The following NPAS1 variants were observed in gnomAD, a reference collection of about 807,000 sequenced individuals.
NPAS1 encodes neuronal PAS domain protein 1.
A neutral mutation model predicts 49.2 loss-of-function variants in NPAS1; 29 were observed. The observed-to-expected ratio is 0.59, with a 90% CI of 0.44 to 0.80. The LOEUF (loss-of-function observed/expected upper bound fraction) is 0.80. Among genes scored for constraint, NPAS1 ranks in the 30% least tolerant of loss-of-function variants. NPAS1 has a pLI of 0.00. For missense variants in NPAS1, 825 were observed against 835.5 expected, an observed-to-expected ratio of 0.99 and a Z score of 0.15; for synonymous variants, 408 against 380.4, an observed-to-expected ratio of 1.07 and a Z score of -0.84.
At chr19:47,024,304 T>C (rs1437230784) in intron 3 of NPAS1, among the ~76,000 whole-genome samples, 2 of 151,646 alleles carry the variant, frequency 1.3e-5, no homozygotes, top group Non-Finnish European at 2.9e-5. Context: ...ATAACAATAA[T>C]AGTAATCATA....
At chr19:47,036,248 G>T (rs542757815) in intron 6 of NPAS1, 119 bp downstream of exon 6, 2 of 1,086,436 alleles carry the variant, frequency 1.8e-6, no homozygotes, top group South Asian at 1.4e-5. Context: ...TGTGTAGAAC[G>T]AATCTTTGCA....
At position 47,027,432 on chromosome 19, in the gene NPAS1, G is replaced by GCCTGGTCTCCCTTCTCTCTGCC. The variant is rs1555770768; in HGVS notation, c.359-4834_359-4813dup. ...GCCCCCTGGGTCCCCCTCTCTCTGCGCCTGGTCTCCCTTCTCTCTGCCCCT... is the reference window on the plus strand; with the variant it reads ...GCCCCCTGGGTCCCCCTCTCTCTGCGCCTGGTCTCCCTTCTCTCTGCCCCTGGTCTCCCTTCTCTCTGCCCCT... On this transcript the variant is annotated intron_variant, in intron 3 of 11. Coordinates refer to ENST00000602212, the MANE Select transcript of NPAS1 (RefSeq NM_002517.4). 3.8e-3 allele frequency among the ~76,000 whole-genome samples: 370 copies of GCCTGGTCTCCCTTCTCTCTGCC among 98,482 alleles called. 63 individuals are homozygous for GCCTGGTCTCCCTTCTCTCTGCC. Among genetic ancestry groups the GCCTGGTCTCCCTTCTCTCTGCC allele is most frequent in the Middle Eastern group, 6.8e-3 (1 of 146 alleles). 64.6% of individuals were successfully genotyped at this position (98,482 alleles called of 152,430 possible). A position where few individuals can be genotyped will look rare whatever the true frequency, so the allele number is the denominator to read the frequency against.
chr19:47,027,354 CT>C (rs71332965), intron 3 of NPAS1, among the ~76,000 whole-genome samples: 700 of 49,794 alleles, frequency 0.014, no homozygotes, highest in Non-Finnish European at 0.032. Context: ...CAGGTCCCCC[CT>C]CTCTCTGCCC....
chr19:47,039,250 G>T (rs1599916607), intron 7 of NPAS1, 99 bp downstream of exon 7: 2 of 1,454,650 alleles, frequency 1.4e-6, no homozygotes, highest in East Asian at 2.3e-5. Context: ...GGCTGCAGGT[G>T]GCTTAGGGAA....
chr19:47,021,917 C>A lies in NPAS1; in HGVS notation c.358+70C>A. The A allele has an allele frequency of 9.7e-7, 1 of 1,029,440 alleles. No homozygotes were observed. 63.8% of individuals were successfully genotyped at this position (1,029,440 alleles called of 1,614,324 possible). On this transcript the variant is annotated intron_variant, in intron 3 of 11. Coordinates refer to ENST00000602212, the MANE Select transcript of NPAS1 (RefSeq NM_002517.4). This position sits in a 1 kb window ranked among gnomAD's most constrained non-coding sequence, Gnocchi z 5.7. Reference sequence around the variant, plus strand: ...GGAGTCACTGCAGCCCAGATCCGGGCTGCGGGCCTGCCCTCGCCCAGATGC... The same window carrying A: ...GGAGTCACTGCAGCCCAGATCCGGGATGCGGGCCTGCCCTCGCCCAGATGC...
At chr19:47,028,579 T>C (rs2056888170) in intron 3 of NPAS1, among the ~76,000 whole-genome samples, 2 of 152,076 alleles carry the variant, frequency 1.3e-5, no homozygotes, top group African/African-American at 4.8e-5. Context: ...GTCTGTTAAG[T>C]GGACTGAATG....
chr19:47,031,106 C>T (rs1035011704), intron 3 of NPAS1, among the ~76,000 whole-genome samples: 5 of 152,002 alleles, frequency 3.3e-5, no homozygotes, highest in African/African-American at 9.7e-5. Context: ...AACTCCATTA[C>T]TCTCCATTTT....
rs866704485 is a variant in NPAS1, at chr19:47,020,905, C to G, written c.-42-101C>G. 842 of 420,478 alleles carry G rather than the reference C, an allele frequency of 2.0e-3. 19 individuals carry two copies. Among genetic ancestry groups the G allele is most frequent in the Middle Eastern group, 0.011 (19 of 1,768 alleles). 26.0% of individuals were successfully genotyped at this position (420,478 alleles called of 1,614,324 possible). ...GAGGCATCATCCAGGCCCCCCCCCCCCCAGCTCCTTGCTGGGACCCTGAGC... is the reference window on the plus strand; with the variant it reads ...GAGGCATCATCCAGGCCCCCCCCCCGCCAGCTCCTTGCTGGGACCCTGAGC... On this transcript the variant is annotated intron_variant, in intron 1 of 11. Transcript: ENST00000602212.
chr19:47,042,766 G>C, intron 10 of NPAS1, 44 bp from the exon 11 acceptor site: 1 of 1,525,042 alleles, frequency 6.6e-7, no homozygotes, highest in Non-Finnish European at 8.9e-7. Context: ...AGTCCTGAGA[G>C]GCCAAGGACC....
chr19:47,036,080 C>T lies in NPAS1; in HGVS notation c.639C>T (p.Val213=), dbSNP rs772786783. 4.4e-6 allele frequency: 7 copies of T among 1,586,918 alleles called. No individual in the cohort carries two copies. The highest frequency in any genetic ancestry group is 4.6e-5 in the East Asian group (2 of 43,514). ...PTPGPPTPPS[V]SSSSSSSSSL... is the part of the protein sequence containing the mutation. ...CCGGCCCCCCAACCCCGCCCTCCGT[C>T]TCCTCTTCCTCCTCCTCTTCCTCTT... Residue 213 remains valine (V), a synonymous_variant, in exon 6 of 12, where the codon GTC becomes GTT. Transcript: ENST00000602212.
At chr19:47,043,315 A>C (rs111602816) in intron 11 of NPAS1, among the ~76,000 whole-genome samples, 2,424 of 130,272 alleles carry the variant, frequency 0.019, 55 homozygotes, top group African/African-American at 0.07. Flanking sequence ...CCAGGCCAGG[A>C]GTGGTGACTC....
rs118081294 is a variant in NPAS1 at position 47,035,772 on chromosome 19, G to A, written c.523-192G>A. 1.0e-3 allele frequency: 605 copies of A among 588,016 alleles called. 14 individuals are homozygous for A. The East Asian group carries it at 0.018, about 18-fold the overall frequency. 36.4% of individuals were successfully genotyped at this position (588,016 alleles called of 1,614,324 possible). A position where few individuals can be genotyped will look rare whatever the true frequency, so the allele number is the denominator to read the frequency against. On this transcript the variant is annotated intron_variant, in intron 5 of 11. Transcript: ENST00000602212. ...ATCCTTACTAATCACTGGGTATGAA[G>A]CGAGAAGAGTCTAAGTTTGTATCTT...
At position 47,045,746 on chromosome 19, in the gene NPAS1, C is replaced by T. The variant is rs894393081; in HGVS notation, c.*95C>T. 137 of 1,150,166 alleles carry T rather than the reference C, an allele frequency of 1.2e-4. No individual in the cohort carries two copies. The highest frequency in any genetic ancestry group is 1.6e-4 in the Non-Finnish European group (135 of 859,312). 71.2% of individuals were successfully genotyped at this position (1,150,166 alleles called of 1,614,324 possible). A position where few individuals can be genotyped will look rare whatever the true frequency, so the allele number is the denominator to read the frequency against. On this transcript the variant is annotated 3_prime_UTR_variant, in exon 12 of 12. Transcript: ENST00000602212. ...GCCCGTAGCCCTGAGAATTAAACGC[C>T]GGCTCTCCCTGCAGTGGTTTGGGCT... is the stretch of plus-strand genomic sequence containing the variant.
At chr19:47,031,762 C>T (rs1193885067) in intron 3 of NPAS1, among the ~76,000 whole-genome samples, 1 of 151,492 alleles carries the variant, frequency 6.6e-6, no homozygotes, top group Non-Finnish European at 1.5e-5. Context: ...AACCCCTGAC[C>T]TTGTGATCTG....
In NPAS1 at chr19:47,022,248, G is replaced by A. The variant is rs151086483; in HGVS notation, c.358+401G>A. 3.4e-4 allele frequency among the ~76,000 whole-genome samples: 51 copies of A among 152,214 alleles called. 1 individual carries two copies. The highest frequency in any genetic ancestry group is 5.3e-4 in the Non-Finnish European group (36 of 68,038). On this transcript the variant is annotated intron_variant, in intron 3 of 11. Transcript: ENST00000602212. ...CGAGATACCCTGGATCCAGACCTGA[G>A]GGGCCCCGGCGGGAACGCAAGGACT...
In NPAS1 at chr19:47,045,427, G is replaced by T; in HGVS notation, c.1549G>T (p.Gly517Trp). ...GCGGCCATGGGGCCTGGCGCCTCCC[G>T]GGGACCCCCCGCCCACCCTCCTGCA... ...PVRPWGLAPP[G>W]DPPPTLLHAG... The change falls in exon 12 of 12, where the codon GGG becomes TGG. Residue 517 changes from glycine to tryptophan, a missense_variant. Gly to Trp is a radical substitution (Grantham distance 184). Coordinates refer to ENST00000602212, the MANE Select transcript of NPAS1 (RefSeq NM_002517.4). 1 of 1,605,552 alleles carries T rather than the reference G, an allele frequency of 6.2e-7. No homozygotes were observed. Among genetic ancestry groups the T allele is most frequent in the East Asian group, 2.2e-5 (1 of 44,560 alleles).
At chr19:47,039,005 C>G in intron 6 of NPAS1, 31 bp from the exon 7 acceptor site, 1 of 1,593,840 alleles carries the variant, frequency 6.3e-7, no homozygotes, top group Non-Finnish European at 8.6e-7. Flanking sequence ...CTCTTCAGGA[C>G]CCCATAACCT....
intron 3 of NPAS1, among the ~76,000 whole-genome samples, chr19:47,023,571 G>A (rs977534376): frequency 6.6e-6 from 1 of 152,198 alleles, no homozygotes; most frequent in African/African-American, 2.4e-5. Context: ...ATAGTTCAGA[G>A]GAGGAGCTGA....
At chr19:47,027,389 C>T (rs541626305) in intron 3 of NPAS1, among the ~76,000 whole-genome samples, 173 of 45,158 alleles carry the variant, frequency 3.8e-3, no homozygotes, top group Non-Finnish European at 6.3e-3. Flanking sequence ...ACTCTGCACC[C>T]GGTTTCCCCC....
Sources: allele counts gnomAD v4.1 joint callset (sites outside exome capture counted in the v4.1 genomes callset), GRCh38; gene constraint gnomAD v4.1.1; non-coding constraint Gnocchi (gnomAD v3.1); transcripts MANE v1.5; gene names NCBI Gene and HGNC (gene_info 2026-07-23, HGNC 2026-07-21).